The following NTN1 variants were observed in gnomAD, a reference collection of about 807,000 sequenced individuals.
The protein encoded by NTN1 is netrin 1.
NTN1 carries 11 observed loss-of-function variants against 54.2 expected under a neutral mutation model. That is an observed-to-expected ratio of 0.20 (90% CI 0.13 to 0.34). The LOEUF (loss-of-function observed/expected upper bound fraction) is 0.34. Among genes scored for constraint, NTN1 ranks in the 10% least tolerant of loss-of-function variants. The pLI, the probability that NTN1 is intolerant of heterozygous loss-of-function variation, is 1.00. For synonymous variants in NTN1, 371 were observed against 382.0 expected (o/e 0.97, Z 0.33); for missense variants, 740 against 893.1 (o/e 0.83, Z 2.18).
In NTN1 at chr17:9,022,474, A is replaced by C; in HGVS notation, c.101A>C (p.Gln34Pro). 6.6e-7 allele frequency: 1 copy of C among 1,524,994 alleles called. No individual in the cohort carries two copies. Among genetic ancestry groups the C allele is most frequent in the Non-Finnish European group, 8.8e-7 (1 of 1,141,178 alleles). 94.5% of individuals were successfully genotyped at this position (1,524,994 alleles called of 1,614,324 possible). Residue 34 changes from glutamine to proline, a missense_variant, in exon 2 of 7, where the codon CAG becomes CCG. Physicochemically the swap from Gln to Pro is moderately conservative, Grantham distance 76 (BLOSUM62 -1). Coordinates refer to ENST00000173229, the MANE Select transcript of NTN1 (RefSeq NM_004822.3). ...CCCGGGCTCAGCATGTTCGCGGGCCAGGCGGCGCAGCCCGATCCCTGCTCG... is the reference window on the plus strand; with the variant it reads ...CCCGGGCTCAGCATGTTCGCGGGCCCGGCGGCGCAGCCCGATCCCTGCTCG... ...GGPGLSMFAG[Q>P]AAQPDPCSDE...
At chr17:9,194,839 C>T (rs560746892) in intron 5 of NTN1, among the ~76,000 whole-genome samples, 1 of 152,296 alleles carries the variant, frequency 6.6e-6, no homozygotes, top group East Asian at 1.9e-4. Context: ...TGAGATCAGA[C>T]ATCCCGTGTG....
At chr17:9,041,689 C>G (rs958318516) in intron 2 of NTN1, among the ~76,000 whole-genome samples, 2 of 152,030 alleles carry the variant, frequency 1.3e-5, no homozygotes, top group African/African-American at 2.4e-5. Flanking sequence ...GGGTATCTAC[C>G]TAGCAGTGGA....
At position 9,239,633 on chromosome 17, in the gene NTN1, C is replaced by G. The variant is rs755375650; in HGVS notation, c.1487-7C>G. On this transcript the variant is annotated splice_polypyrimidine_tract_variant and splice_region_variant and intron_variant, in intron 6 of 6. Transcript: ENST00000173229. The surrounding 1 kb of genome is among the most constrained non-coding windows in gnomAD (Gnocchi z 5.2). ...GAGCCCACCCGTCTGCCTGTGCTTC[C>G]TTGCAGCCGTCCAGATCCACATCCT... 1.2e-6 allele frequency: 2 copies of G among 1,601,334 alleles called. No homozygotes were observed. Among genetic ancestry groups the G allele is most frequent in the Non-Finnish European group, 1.7e-6 (2 of 1,169,428 alleles).
At chr17:9,085,615 C>T (rs1188557616) in intron 2 of NTN1, among the ~76,000 whole-genome samples, 2 of 152,180 alleles carry the variant, frequency 1.3e-5, no homozygotes, top group South Asian at 2.1e-4. Flanking sequence ...CCAACCATCC[C>T]GGGAGCTCTA....
chr17:9,118,214 C>A (rs1202216090), intron 2 of NTN1, among the ~76,000 whole-genome samples: 1 of 152,100 alleles, frequency 6.6e-6, no homozygotes, highest in Admixed American at 6.6e-5. Context: ...CCTCATAATT[C>A]CCCCATTTAA....
At chr17:9,237,852 C>T (rs898983191) in intron 6 of NTN1, among the ~76,000 whole-genome samples, 1 of 152,144 alleles carries the variant, frequency 6.6e-6, no homozygotes, top group Admixed American at 6.5e-5. Context: ...AGGGCTCCCC[C>T]CACCCAGAGT....
chr17:9,097,199 A>C (rs1216624082), intron 2 of NTN1, among the ~76,000 whole-genome samples: 3 of 152,258 alleles, frequency 2.0e-5, no homozygotes, highest in Non-Finnish European at 4.4e-5. Context: ...AAAATAAGTC[A>C]AAAGTCAGAA....
intron 2 of NTN1, among the ~76,000 whole-genome samples, chr17:9,038,105 C>A (rs1408166499): frequency 6.6e-6 from 1 of 152,100 alleles, no homozygotes; most frequent in Non-Finnish European, 1.5e-5. Flanking sequence ...AAATAAATGA[C>A]TCCCTAGGTT....
chr17:9,214,655 T>C (rs1221257964), intron 5 of NTN1, among the ~76,000 whole-genome samples: 1 of 152,170 alleles, frequency 6.6e-6, no homozygotes, highest in Non-Finnish European at 1.5e-5. Context: ...ACCCCGTCTC[T>C]ACTAAAAATA....
At chr17:9,164,357 G>A (rs1191912044) in intron 3 of NTN1, among the ~76,000 whole-genome samples, 1 of 151,982 alleles carries the variant, frequency 6.6e-6, no homozygotes, top group Non-Finnish European at 1.5e-5. Context: ...CCTGGGAGGC[G>A]GAGGTTGCAG....
At chr17:9,055,732 A>T (rs2091977202) in intron 2 of NTN1, among the ~76,000 whole-genome samples, 1 of 151,580 alleles carries the variant, frequency 6.6e-6, no homozygotes, top group South Asian at 2.1e-4. Flanking sequence ...TTTAATTTTT[A>T]TTTTTTTGAG....
chr17:9,208,771 C>T (rs1905030216), intron 5 of NTN1, among the ~76,000 whole-genome samples: 1 of 152,228 alleles, frequency 6.6e-6, no homozygotes, highest in African/African-American at 2.4e-5. Context: ...GCCTGATGTA[C>T]TCTTCATCCC....
chr17:9,173,085 C>G (rs1174919930), intron 3 of NTN1: 5 of 152,222 alleles, frequency 3.3e-5, no homozygotes, highest in Non-Finnish European at 5.9e-5. Context: ...TCCCATACCT[C>G]AAAGCTCTGA....
chr17:9,097,721 A>G (rs9913068), intron 2 of NTN1, among the ~76,000 whole-genome samples: 80,933 of 152,044 alleles, frequency 0.53, 22,313 homozygotes, highest in East Asian at 0.95. Context: ...ACACAAATAG[A>G]AAGCACACTA....
chr17:9,147,107 C>G (rs1365443213), intron 2 of NTN1, among the ~76,000 whole-genome samples: 1 of 152,190 alleles, frequency 6.6e-6, no homozygotes, highest in African/African-American at 2.4e-5. Flanking sequence ...TACTAGATAA[C>G]TCAGGACATC....
Position 9,242,191 on chromosome 17 carries a change from G to A in NTN1, c.*2223G>A, listed in dbSNP as rs1313241887. 2.0e-5 allele frequency: 3 copies of A among 152,524 alleles called. No homozygotes were observed. Among genetic ancestry groups the A allele is most frequent in the African/African-American group, 7.2e-5 (3 of 41,472 alleles). 9.4% of individuals were successfully genotyped at this position (152,524 alleles called of 1,614,324 possible). A position where few individuals can be genotyped will look rare whatever the true frequency, so the allele number is the denominator to read the frequency against. On this transcript the variant is annotated 3_prime_UTR_variant, in exon 7 of 7. Coordinates refer to ENST00000173229, the MANE Select transcript of NTN1 (RefSeq NM_004822.3). ...TAGAAAGGTGTTTTGGCTGCCTCAG[G>A]GTGGTTGGAGAGACTCCAGGAGAGA...
the NTN1 span, among the ~76,000 whole-genome samples, chr17:9,015,486 C>T: frequency 8.9e-4 from 136 of 152,218 alleles, no homozygotes; most frequent in African/African-American, 3.1e-3. Context: ...AAGGCACCCC[C>T]GGCCACCCCT....
intron 2 of NTN1, among the ~76,000 whole-genome samples, chr17:9,127,992 C>T (rs2142267471): frequency 6.6e-6 from 1 of 152,188 alleles, no homozygotes; most frequent in South Asian, 2.1e-4. Flanking sequence ...TGGCACACGC[C>T]TGTAATCCCA....
chr17:9,196,090 T>C (rs55713307), intron 5 of NTN1, among the ~76,000 whole-genome samples: 20,982 of 152,116 alleles, frequency 0.14, 1,627 homozygotes, highest in East Asian at 0.23. Context: ...TGGAGGCCAC[T>C]TTGGCCACCA....
Sources: allele counts gnomAD v4.1 joint callset (sites outside exome capture counted in the v4.1 genomes callset), GRCh38; gene constraint gnomAD v4.1.1; non-coding constraint Gnocchi (gnomAD v3.1); transcripts MANE v1.5; gene names NCBI Gene and HGNC (gene_info 2026-07-23, HGNC 2026-07-21).